Variants in LRRC4C observed in about 807,000 individuals in gnomAD.
LRRC4C encodes leucine-rich repeat-containing protein 4C.
LRRC4C carries 5 observed loss-of-function variants against 33.6 expected under a neutral mutation model. That is an observed-to-expected ratio of 0.15 (90% CI 0.08 to 0.31). LRRC4C has a LOEUF of 0.31. Ranked by LOEUF, LRRC4C falls within the 10% of genes least tolerant of loss-of-function variation. The pLI is 1.00. For synonymous variants in LRRC4C, 329 were observed against 302.0 expected, an observed-to-expected ratio of 1.09 and a Z score of -0.93; for missense variants, 560 against 796.7, an observed-to-expected ratio of 0.70 and a Z score of 3.58.
Position 40,151,963 on chromosome 11 carries a change from G to C in LRRC4C, c.-95-11110C>G, listed in dbSNP as rs986347359. On this transcript the variant is annotated intron_variant, in intron 5 of 6. Coordinates refer to ENST00000528697, the MANE Select transcript of LRRC4C (RefSeq NM_001258419.2). ...ATGGAAGGGATCATGGTGGGATGCA[G>C]GACTAGATTGCAGCTCAGACAGAGC... Among the ~76,000 whole-genome samples, 17 of 152,288 alleles carry C rather than the reference G, an allele frequency of 1.1e-4. 1 individual carries two copies. In the South Asian group the frequency reaches 1.7e-3, roughly 15 times the overall value.
intron 3 of LRRC4C, among the ~76,000 whole-genome samples, chr11:40,442,115 A>T (rs1951423090): frequency 7.2e-6 from 1 of 138,846 alleles, no homozygotes; most frequent in Non-Finnish European, 1.5e-5. Flanking sequence ...ATGAGCAGAG[A>T]TAGTGCCACT....
intron 1 of LRRC4C, among the ~76,000 whole-genome samples, chr11:41,095,144 A>G (rs950742065): frequency 1.3e-5 from 2 of 152,184 alleles, no homozygotes; most frequent in African/African-American, 4.8e-5. Flanking sequence ...GAAACTTACA[A>G]TCCTGGAGGA....
chr11:40,764,595 G>C (rs1949365259), intron 2 of LRRC4C, among the ~76,000 whole-genome samples: 1 of 152,200 alleles, frequency 6.6e-6, no homozygotes, highest in East Asian at 1.9e-4. Flanking sequence ...ACTGACTGTA[G>C]AGCCCTTGGG....
At chr11:40,200,342 C>T (rs1047467949) in intron 5 of LRRC4C, among the ~76,000 whole-genome samples, 2 of 151,544 alleles carry the variant, frequency 1.3e-5, no homozygotes, top group African/African-American at 4.8e-5. Context: ...CCAGCCTGGG[C>T]GACAGAGCGA....
chr11:40,585,973 T>C (rs1958717448), intron 3 of LRRC4C, among the ~76,000 whole-genome samples: 1 of 137,248 alleles, frequency 7.3e-6, no homozygotes, highest in Non-Finnish European at 1.6e-5. Context: ...TTTATAGTCC[T>C]TTGGGTATAT....
intron 1 of LRRC4C, among the ~76,000 whole-genome samples, chr11:41,043,306 C>A (rs559363219): frequency 2.0e-5 from 3 of 152,122 alleles, no homozygotes; most frequent in Middle Eastern, 6.8e-3. Flanking sequence ...ACCATCAACA[C>A]GCTTAGAAAG....
At chr11:40,415,521 T>C (rs946107492) in intron 3 of LRRC4C, among the ~76,000 whole-genome samples, 3 of 152,124 alleles carry the variant, frequency 2.0e-5, no homozygotes, top group African/African-American at 7.2e-5. Context: ...GAGTTAAAGA[T>C]AAGTATGTTA....
chr11:40,717,749 C>G (rs1478288480), intron 2 of LRRC4C, among the ~76,000 whole-genome samples: 1 of 152,144 alleles, frequency 6.6e-6, no homozygotes, highest in African/African-American at 2.4e-5. Flanking sequence ...TCCGATCAGG[C>G]ACAAACAGCT....
At chr11:40,359,046 T>C (rs1031382863) in intron 3 of LRRC4C, among the ~76,000 whole-genome samples, 1 of 152,088 alleles carries the variant, frequency 6.6e-6, no homozygotes, top group Non-Finnish European at 1.5e-5. Context: ...TTTAACAAAA[T>C]AGTCAATCTG....
chr11:41,054,366 T>A (rs1191544617), intron 1 of LRRC4C, among the ~76,000 whole-genome samples: 1 of 152,202 alleles, frequency 6.6e-6, no homozygotes, highest in Non-Finnish European at 1.5e-5. Flanking sequence ...AAAGACAGCA[T>A]GAAACTTGCT....
chr11:40,369,531 T>G (rs904386841), intron 3 of LRRC4C, among the ~76,000 whole-genome samples: 4 of 152,094 alleles, frequency 2.6e-5, no homozygotes, highest in African/African-American at 9.7e-5. Flanking sequence ...GGAGATGGGG[T>G]TTCTTCATCT....
chr11:40,562,792 GGTATTAGAACCGAA>G (rs1406304069), intron 3 of LRRC4C, among the ~76,000 whole-genome samples: 1 of 152,098 alleles, frequency 6.6e-6, no homozygotes, highest in East Asian at 1.9e-4. Context: ...TATGTGAGTG[GGTATTAGAACCGAA>G]CAATTCATGC....
chr11:41,355,557 C>T (rs1952131131), intron 1 of LRRC4C, among the ~76,000 whole-genome samples: 1 of 152,074 alleles, frequency 6.6e-6, no homozygotes, highest in African/African-American at 2.4e-5. Flanking sequence ...AGGGCATTCT[C>T]AGGGATAGTT....
At chr11:41,207,161 T>G (rs1219793841) in intron 1 of LRRC4C, among the ~76,000 whole-genome samples, 1 of 152,154 alleles carries the variant, frequency 6.6e-6, no homozygotes, top group Non-Finnish European at 1.5e-5. Context: ...CTAAAGGACT[T>G]AAGACTGTGG....
chr11:40,534,906 G>C (rs1956410438), intron 3 of LRRC4C, among the ~76,000 whole-genome samples: 1 of 152,106 alleles, frequency 6.6e-6, no homozygotes, highest in African/African-American at 2.4e-5. Flanking sequence ...AAAACAAAGA[G>C]GAGAAAGCAT....
At position 41,159,408 on chromosome 11, in the gene LRRC4C, C is replaced by T. The variant is rs536472310; in HGVS notation, c.-495-225685G>A. ...ATTAGGAAGCTGAAGGAGGAAGCAA[C>T]ATTATTGTTTCAGAGTGCTAAAGGG... On this transcript the variant is annotated intron_variant, in intron 1 of 6. Coordinates refer to ENST00000528697, the MANE Select transcript of LRRC4C (RefSeq NM_001258419.2). Among the ~76,000 whole-genome samples, 4 of 152,104 alleles carry T rather than the reference C, an allele frequency of 2.6e-5. No individual in the cohort carries two copies. The East Asian group carries it at 7.7e-4, about 29-fold the overall frequency.
intron 3 of LRRC4C, among the ~76,000 whole-genome samples, chr11:40,475,393 T>C (rs753753658): frequency 1.3e-4 from 20 of 151,992 alleles, no homozygotes; most frequent in Admixed American, 1.1e-3. Flanking sequence ...AAAGTGGAAG[T>C]TGAACAATGA....
chr11:41,094,056 C>T (rs1348972940), intron 1 of LRRC4C, among the ~76,000 whole-genome samples: 1 of 150,766 alleles, frequency 6.6e-6, no homozygotes, highest in Non-Finnish European at 1.5e-5. Flanking sequence ...TTGCAGTGAG[C>T]GGTGATCACG....
intron 2 of LRRC4C, among the ~76,000 whole-genome samples, chr11:40,661,005 C>A (rs1033254534): frequency 1.3e-5 from 2 of 152,064 alleles, no homozygotes; most frequent in African/African-American, 2.4e-5. Context: ...AAAGGGGTTT[C>A]TTTTTATTGC....
Sources: gnomAD v4.1 joint callset for allele counts (sites outside exome capture counted in the v4.1 genomes callset) on GRCh38, gnomAD v4.1.1 for gene constraint, MANE v1.5 for transcripts, NCBI Gene and HGNC (gene_info 2026-07-23, HGNC 2026-07-21) for gene names.